Variants in TEPSIN observed in about 807,000 individuals in gnomAD.
The protein encoded by TEPSIN is TEPSIN adaptor related protein complex 4 accessory protein.
A neutral mutation model predicts 48.5 loss-of-function variants in TEPSIN; 50 were observed. The ratio of observed to expected loss-of-function variants is 1.03; its 90% confidence interval spans 0.82 to 1.31. The LOEUF is 1.31. Among genes scored for constraint, TEPSIN ranks in the 50% most tolerant of loss-of-function variants. The pLI is 0.00. For synonymous variants in TEPSIN, 392 were observed against 358.8 expected (o/e 1.09, Z -1.05); for missense variants, 838 against 815.9 (o/e 1.03, Z -0.33).
Position 81,234,151 on chromosome 17 carries a change from C to T in TEPSIN, c.308-103G>A, listed in dbSNP as rs1345258649. On this transcript the variant is annotated intron_variant, in intron 4 of 12. Transcript: ENST00000637944. This position sits in a 1 kb window ranked among gnomAD's most constrained non-coding sequence, Gnocchi z 5.4. Reference sequence around the variant, plus strand: ...CCCACTCCAGGGTGGCAAGTTCCTGCCACCAAGGCCCTTCTGTCACAGCCA... The same window carrying T: ...CCCACTCCAGGGTGGCAAGTTCCTGTCACCAAGGCCCTTCTGTCACAGCCA... 1.9e-5 allele frequency: 19 copies of T among 1,007,396 alleles called. No individual in the cohort carries two copies. The highest frequency in any genetic ancestry group is 2.5e-5 in the Non-Finnish European group (18 of 713,420). The allele number at this position is 1,007,396 out of a possible 1,614,324, so 62.4% of individuals were successfully genotyped here.
At chr17:81,238,894 AG>A in intron 1 of TEPSIN, 91 bp downstream of exon 1, 1 of 1,370,370 alleles carries the variant, frequency 7.3e-7, no homozygotes, top group Non-Finnish European at 9.4e-7. Context: ...CGGAGACGCA[AG>A]GTCAATGGCT....
intron 4 of TEPSIN, among the ~76,000 whole-genome samples, chr17:81,235,672 T>C (rs563151745): frequency 2.0e-5 from 3 of 151,020 alleles, no homozygotes; most frequent in Non-Finnish European, 4.4e-5. Context: ...GCCACGGGAG[T>C]GGCCTGGAGC....
At position 81,234,500 on chromosome 17, in the gene TEPSIN, G is replaced by A. The variant is rs754910015; in HGVS notation, c.308-452C>T. Among the ~76,000 whole-genome samples, 11 of 152,072 alleles carry A rather than the reference G, an allele frequency of 7.2e-5. No homozygotes were observed. The highest frequency in any genetic ancestry group is 1.3e-4 in the Non-Finnish European group (9 of 67,988). ...CCCCTGCTCTGAGAGTTCCTGTCAT[G>A]ATGAACTGGGGCTTCTTTCCTTAAA... On this transcript the variant is annotated intron_variant, in intron 4 of 12. Transcript: ENST00000637944. The surrounding 1 kb of genome is among the most constrained non-coding windows in gnomAD (Gnocchi z 5.4).
intron 4 of TEPSIN, among the ~76,000 whole-genome samples, chr17:81,236,242 G>A (rs986374300): frequency 3.3e-5 from 5 of 152,306 alleles, no homozygotes; most frequent in Admixed American, 6.5e-5. Flanking sequence ...TCCCAGCTCC[G>A]CCCTCCCATG....
chr17:81,231,467 CA>C lies in TEPSIN; in HGVS notation c.1028del (p.Leu343ArgfsTer11). The C allele has an allele frequency of 6.4e-7, 1 of 1,568,772 alleles. No homozygotes were observed. The highest frequency in any genetic ancestry group is 8.6e-7 in the Non-Finnish European group (1 of 1,156,802). The stretch of plus-strand genomic sequence containing the variant: ...GCTGCAGCACGGCCTCACAGTTGAG[CA>C]GTCCACACCTGCACAGAGGGGACAC... ...EAQHFIKACG[L>X]LNCEAVLQLL... On this transcript the variant is annotated frameshift_variant, in exon 11 of 13. Transcript: ENST00000637944. LOFTEE classifies it high-confidence loss of function.
intron 2 of TEPSIN, 34 bp from the exon 3 acceptor site, chr17:81,237,105 G>T: frequency 3.9e-6 from 6 of 1,551,218 alleles, no homozygotes; most frequent in Non-Finnish European, 5.2e-6. Flanking sequence ...AGGGCGAGAT[G>T]ATGAGGGCTG....
rs2062691318 is a variant in TEPSIN at position 81,234,721 on chromosome 17, G to A, written c.308-673C>T. On this transcript the variant is annotated intron_variant, in intron 4 of 12. Coordinates refer to ENST00000637944, the MANE Select transcript of TEPSIN (RefSeq NM_001363764.2). The surrounding 1 kb of genome is among the most constrained non-coding windows in gnomAD (Gnocchi z 5.4). ...GAGACGATGCTCCTGGCTGTCCCTG[G>A]GCCCAGGGCTGGCGGCCACAAGCTG... 6.6e-6 allele frequency among the ~76,000 whole-genome samples: 1 copy of A among 151,968 alleles called. No individual in the cohort carries two copies. The highest frequency in any genetic ancestry group is 2.4e-5 in the African/African-American group (1 of 41,352).
rs556770068 is a variant in TEPSIN, at chr17:81,229,114, C to T, written c.1596G>A (p.Ala532=). The change falls in exon 13 of 13, where the codon GCG becomes GCA. Residue 532 remains alanine, a synonymous_variant. Transcript: ENST00000637944. ...CAGCAAACAAGGAGTCGCGGCTCCA[C>T]GCACAGCTGCTGGGGCCTCTCTTTG... ...DSPKRGPSSC[A]WSRDSLFAGM... 260 of 1,613,402 alleles carry T rather than the reference C, an allele frequency of 1.6e-4. 4 individuals carry two copies. The South Asian group carries it at 1.9e-3, about 12-fold the overall frequency.
chr17:81,238,598 A>G (rs1598365583), intron 1 of TEPSIN: 2 of 1,091,498 alleles, frequency 1.8e-6, no homozygotes, highest in East Asian at 5.8e-5. Flanking sequence ...GTCCTCTGAA[A>G]CGCCACCGTC....
chr17:81,233,312 C>A lies in TEPSIN; in HGVS notation c.526+120G>T. The A allele has an allele frequency of 8.3e-7, 1 of 1,204,124 alleles. No homozygotes were observed. Among genetic ancestry groups the A allele is most frequent in the South Asian group, 1.5e-5 (1 of 68,710 alleles). 74.6% of individuals were successfully genotyped at this position (1,204,124 alleles called of 1,614,324 possible). A position where few individuals can be genotyped will look rare whatever the true frequency, so the allele number is the denominator to read the frequency against. On this transcript the variant is annotated intron_variant, in intron 7 of 12. Transcript: ENST00000637944. This position sits in a 1 kb window ranked among gnomAD's most constrained non-coding sequence, Gnocchi z 5.8. Reference sequence around the variant, plus strand: ...GGACAGCCCCAGGAAGGGTTGAGGCCATGTAGGGGAGGGGACGGGGGACAG... The same window carrying A: ...GGACAGCCCCAGGAAGGGTTGAGGCAATGTAGGGGAGGGGACGGGGGACAG...
At chr17:81,237,299 G>T in intron 2 of TEPSIN, 88 bp downstream of exon 2, 1 of 1,451,164 alleles carries the variant, frequency 6.9e-7, no homozygotes, top group Non-Finnish European at 9.5e-7. Flanking sequence ...TCCCCCTAGG[G>T]ACAGCAGAAT....
In TEPSIN at chr17:81,234,371, C is replaced by T; in HGVS notation, c.308-323G>A. ...CTCCCTGCCCCAGGTGCACCAGGGA[C>T]CCCTCAGAGGCTTCCGGGGCCTGGA... is the stretch of plus-strand genomic sequence containing the variant. On this transcript the variant is annotated intron_variant, in intron 4 of 12. Coordinates refer to ENST00000637944, the MANE Select transcript of TEPSIN (RefSeq NM_001363764.2). This position sits in a 1 kb window ranked among gnomAD's most constrained non-coding sequence, Gnocchi z 5.4. 1 of 276,988 alleles carries T rather than the reference C, an allele frequency of 3.6e-6. No homozygotes were observed. The allele number at this position is 276,988 out of a possible 1,614,324, so 17.2% of individuals were successfully genotyped here.
At chr17:81,236,020 C>A (rs779158574) in intron 4 of TEPSIN, among the ~76,000 whole-genome samples, 3 of 152,242 alleles carry the variant, frequency 2.0e-5, no homozygotes, top group Non-Finnish European at 4.4e-5. Flanking sequence ...GAATTCCCCA[C>A]TCAGGGGCTG....
Position 81,230,741 on chromosome 17 carries a change from A to T in TEPSIN, c.1099-63T>A, listed in dbSNP as rs541382514. 1.2e-4 allele frequency: 171 copies of T among 1,458,416 alleles called. No individual in the cohort carries two copies. In the African/African-American group the frequency reaches 2.3e-3, roughly 20 times the overall value. 90.3% of individuals were successfully genotyped at this position (1,458,416 alleles called of 1,614,324 possible). The stretch of plus-strand genomic sequence containing the variant: ...CAGCAGGTCCACGCCAGGGAGGCCT[A>T]TTTGGCCATCTCTCTCCCTCTTCTT... On this transcript the variant is annotated intron_variant, in intron 11 of 12. Coordinates refer to ENST00000637944, the MANE Select transcript of TEPSIN (RefSeq NM_001363764.2). This position sits in a 1 kb window ranked among gnomAD's most constrained non-coding sequence, Gnocchi z 4.2.
chr17:81,233,441 C>T lies in TEPSIN; in HGVS notation c.517G>A (p.Gly173Ser), dbSNP rs779349589. 1.8e-5 allele frequency: 29 copies of T among 1,611,042 alleles called. No individual in the cohort carries two copies. The highest frequency in any genetic ancestry group is 7.7e-5 in the South Asian group (7 of 90,890). ...GGCCCTCCCCACTCACCCGTGCGGCCGTGTTCCTTGCTGTAGCCGAAACCC... is the reference window on the plus strand; with the variant it reads ...GGCCCTCCCCACTCACCCGTGCGGCTGTGTTCCTTGCTGTAGCCGAAACCC... ...LQGFGYSKEH[G>S]RTGSAGEAFL... The change falls in exon 7 of 13, where the codon GGC (glycine) becomes AGC (serine). Residue 173 changes from glycine (G) to serine (S), a missense_variant. Coordinates refer to ENST00000637944, the MANE Select transcript of TEPSIN (RefSeq NM_001363764.2). The surrounding 1 kb of genome is among the most constrained non-coding windows in gnomAD (Gnocchi z 5.8).
Position 81,234,464 on chromosome 17 carries a change from C to G in TEPSIN, c.308-416G>C, listed in dbSNP as rs1028396359. On this transcript the variant is annotated intron_variant, in intron 4 of 12. Coordinates refer to ENST00000637944, the MANE Select transcript of TEPSIN (RefSeq NM_001363764.2). The surrounding 1 kb of genome is among the most constrained non-coding windows in gnomAD (Gnocchi z 5.4). ...AGCCCCACCCAACCCCAGTCTCAGC[C>G]GCCTCGAGCTCCCCTGCTCTGAGAG... Among the ~76,000 whole-genome samples the G allele has an allele frequency of 1.3e-5, 2 of 152,066 alleles. No homozygotes were observed. The highest frequency in any genetic ancestry group is 2.9e-5 in the Non-Finnish European group (2 of 67,988).
In TEPSIN at chr17:81,234,102, C is replaced by T; in HGVS notation, c.308-54G>A. The stretch of plus-strand genomic sequence containing the variant: ...CAGGGCTGAGCCTGGCACCGCTGCT[C>T]CCTGTGGAGCACGGTGCCCTGGGCC... On this transcript the variant is annotated intron_variant, in intron 4 of 12. Coordinates refer to ENST00000637944, the MANE Select transcript of TEPSIN (RefSeq NM_001363764.2). This position sits in a 1 kb window ranked among gnomAD's most constrained non-coding sequence, Gnocchi z 5.4. 18 of 1,483,266 alleles carry T rather than the reference C, an allele frequency of 1.2e-5. No individual in the cohort carries two copies. The highest frequency in any genetic ancestry group is 1.5e-5 in the Non-Finnish European group (17 of 1,114,332). 91.9% of individuals were successfully genotyped at this position (1,483,266 alleles called of 1,614,324 possible).
At position 81,230,577 on chromosome 17, in the gene TEPSIN, G is replaced by A. The variant is rs770576244; in HGVS notation, c.1200C>T (p.Gly400=). ...TRPWLQELSM[G]SPGPVTNKAT... ...CCTTGTTGGTCACAGGTCCCGGGCTGCCCATGCTGAGCTCCTGCAGCCACG... is the reference window on the plus strand; with the variant it reads ...CCTTGTTGGTCACAGGTCCCGGGCTACCCATGCTGAGCTCCTGCAGCCACG... Residue 400 remains glycine (G), a synonymous_variant, in exon 12 of 13, where the codon GGC becomes GGT. Transcript: ENST00000637944. The surrounding 1 kb of genome is among the most constrained non-coding windows in gnomAD (Gnocchi z 4.2). The A allele has an allele frequency of 1.1e-5, 17 of 1,611,718 alleles. No individual in the cohort carries two copies. The highest frequency in any genetic ancestry group is 3.3e-5 in the South Asian group (3 of 90,924).
chr17:81,237,881 G>A (rs554688591), intron 1 of TEPSIN: 251 of 768,642 alleles, frequency 3.3e-4, no homozygotes, highest in Non-Finnish European at 3.8e-4. Flanking sequence ...CCCAGAGGCC[G>A]GAATGGCAGA....
Sources: allele counts gnomAD v4.1 joint callset (sites outside exome capture counted in the v4.1 genomes callset), GRCh38; gene constraint gnomAD v4.1.1; non-coding constraint Gnocchi (gnomAD v3.1); transcripts MANE v1.5; gene names NCBI Gene and HGNC (gene_info 2026-07-23, HGNC 2026-07-21).